Variants in LRRC75A observed in about 807,000 individuals in gnomAD.
LRRC75A encodes leucine rich repeat containing 75A.
A neutral mutation model predicts 26.0 loss-of-function variants in LRRC75A; 12 were observed. The ratio of observed to expected loss-of-function variants is 0.46; its 90% confidence interval spans 0.30 to 0.75. The LOEUF is 0.75. Among genes scored for constraint, LRRC75A ranks in the 30% least tolerant of loss-of-function variants. The pLI is 0.08. For synonymous variants in LRRC75A, 223 were observed against 219.3 expected, an observed-to-expected ratio of 1.02 and a Z score of -0.15; for missense variants, 410 against 486.6, an observed-to-expected ratio of 0.84 and a Z score of 1.48.
In LRRC75A at chr17:16,491,905, A is replaced by C; in HGVS notation, c.86T>G (p.Phe29Cys). ...APGPRRERPD[F>C]WASLLLRAGD... is the part of the protein sequence containing the mutation. ...GGCGCGCAGCAGCAGCGACGCCCAG[A>C]AGTCCGGCCGTTCGCGTCGGGGGCC... Residue 29 changes from phenylalanine to cysteine, a missense_variant, in exon 1 of 4, where the codon TTC becomes TGC. Transcript: ENST00000470794. The surrounding 1 kb of genome is among the most constrained non-coding windows in gnomAD (Gnocchi z 5.9). 7.8e-7 allele frequency: 1 copy of C among 1,289,008 alleles called. No homozygotes were observed. Among genetic ancestry groups the C allele is most frequent in the Non-Finnish European group, 9.8e-7 (1 of 1,020,754 alleles). 79.8% of individuals were successfully genotyped at this position (1,289,008 alleles called of 1,614,324 possible). A position where few individuals can be genotyped will look rare whatever the true frequency, so the allele number is the denominator to read the frequency against.
At chr17:16,444,622 C>A (rs563318547) in intron 3 of LRRC75A, among the ~76,000 whole-genome samples, 141 of 152,110 alleles carry the variant, frequency 9.3e-4, no homozygotes, top group African/African-American at 3.3e-3. Context: ...CTATGGGGAG[C>A]CTGTAAGACA....
At chr17:16,453,398 C>T (rs2093652029) in intron 2 of LRRC75A, among the ~76,000 whole-genome samples, 2 of 152,096 alleles carry the variant, frequency 1.3e-5, no homozygotes, top group African/African-American at 4.8e-5. Context: ...ACTGCACTGC[C>T]ATTGCCACAA....
In LRRC75A at chr17:16,443,664, T is replaced by A; in HGVS notation, c.959A>T (p.Asp320Val). 6.3e-7 allele frequency: 1 copy of A among 1,577,144 alleles called. No individual in the cohort carries two copies. The highest frequency in any genetic ancestry group is 8.6e-7 in the Non-Finnish European group (1 of 1,161,300). Reference protein sequence around the residue: ...EVREGTVGQEDPGGGPVAPAE... With the variant: ...EVREGTVGQEVPGGGPVAPAE... ...AGGTGCCACAGGGCCCCCTCCAGGG[T>A]CCTCCTGGCCTACTGTCCCTTCCCG... The change falls in exon 4 of 4, where the codon GAC (aspartate) becomes GTC (valine). Residue 320 changes from aspartate to valine, a missense_variant. By Grantham distance (152) the Asp-to-Val change is radical. Transcript: ENST00000470794.
chr17:16,443,948 T>C lies in LRRC75A; in HGVS notation c.675A>G (p.Ala225=), dbSNP rs774017407. Residue 225 remains alanine (A), a synonymous_variant, in exon 4 of 4, where the codon GCA becomes GCG. Transcript: ENST00000470794. ...TDDMVLQLLP[A]LSTLPRLTTL... is the part of the protein sequence containing the mutation. ...TGGTGAGGCGGGGCAGGGTGCTGAG[T>C]GCTGGCAGCAGCTGCAGGACCATGT... The C allele has an allele frequency of 5.6e-6, 9 of 1,613,030 alleles. No individual in the cohort carries two copies. Among genetic ancestry groups the C allele is most frequent in the Middle Eastern group, 1.6e-4 (1 of 6,080 alleles).
At chr17:16,473,035 T>C (rs1292214018) in intron 1 of LRRC75A, among the ~76,000 whole-genome samples, 3 of 152,082 alleles carry the variant, frequency 2.0e-5, no homozygotes, top group Admixed American at 6.6e-5. Flanking sequence ...AATAATGAAA[T>C]TGGTATGTTA....
At chr17:16,454,927 CTTTTCT>C (rs1181973013) in intron 2 of LRRC75A, among the ~76,000 whole-genome samples, 32 of 149,840 alleles carry the variant, frequency 2.1e-4, no homozygotes, top group Non-Finnish European at 1.9e-4. Flanking sequence ...CTTTTCTTTT[CTTTTCT>C]TTTTTTTTTT....
intron 2 of LRRC75A, among the ~76,000 whole-genome samples, chr17:16,456,235 A>G (rs1428454523): frequency 9.0e-6 from 1 of 111,462 alleles, no homozygotes; most frequent in African/African-American, 3.7e-5. Context: ...GAAGAGGAGA[A>G]AGGAGGAGAA....
chr17:16,443,570 A>G lies in LRRC75A; in HGVS notation c.*18T>C. 1 of 1,495,924 alleles carries G rather than the reference A, an allele frequency of 6.7e-7. No homozygotes were observed. The highest frequency in any genetic ancestry group is 9.0e-7 in the Non-Finnish European group (1 of 1,114,176). 92.7% of individuals were successfully genotyped at this position (1,495,924 alleles called of 1,614,324 possible). On this transcript the variant is annotated 3_prime_UTR_variant, in exon 4 of 4. Transcript: ENST00000470794. ...TCTACCCAACAAGGACTCCCTGGTG[A>G]GGCCCTTCACTTCCATGTCACGTCT...
chr17:16,476,932 G>A (rs554382419), intron 1 of LRRC75A, among the ~76,000 whole-genome samples: 41 of 151,784 alleles, frequency 2.7e-4, no homozygotes, highest in Middle Eastern at 3.4e-3. Flanking sequence ...TAGAGACGGG[G>A]TTTCACCGTG....
chr17:16,478,687 G>C (rs670005), intron 1 of LRRC75A: 150,932 of 152,350 alleles, frequency 0.99, 74,770 homozygotes, highest in Middle Eastern at 1. Flanking sequence ...GTAACTTACT[G>C]TCTTTCGTGT....
At chr17:16,468,370 C>G (rs2093785254) in intron 1 of LRRC75A, among the ~76,000 whole-genome samples, 1 of 152,246 alleles carries the variant, frequency 6.6e-6, no homozygotes, top group Non-Finnish European at 1.5e-5. Flanking sequence ...AAATATTATT[C>G]AGCCTTAAAA....
intron 1 of LRRC75A, among the ~76,000 whole-genome samples, chr17:16,487,251 C>G (rs552597628): frequency 1.3e-5 from 2 of 152,288 alleles, no homozygotes; most frequent in African/African-American, 4.8e-5. Context: ...CAGCGTAGGG[C>G]CCCCCTGCTC....
chr17:16,475,958 C>T (rs911128763), intron 1 of LRRC75A, among the ~76,000 whole-genome samples: 1 of 151,726 alleles, frequency 6.6e-6, no homozygotes, highest in Non-Finnish European at 1.5e-5. Context: ...TTTGGGAGAC[C>T]GAGGTGGGTG....
Position 16,491,688 on chromosome 17 carries a change from C to A in LRRC75A, c.246+57G>T, listed in dbSNP as rs924792739. On this transcript the variant is annotated intron_variant, in intron 1 of 3. Transcript: ENST00000470794. This position sits in a 1 kb window ranked among gnomAD's most constrained non-coding sequence, Gnocchi z 5.9. ...CTCGGTTAGGGATGGGGCGCCCCCC[C>A]CGGCCCAGCACGCCCCCTGGCCCGG... The A allele has an allele frequency of 3.3e-6, 4 of 1,216,194 alleles. No individual in the cohort carries two copies. The highest frequency in any genetic ancestry group is 4.2e-6 in the Non-Finnish European group (4 of 962,556). 75.3% of individuals were successfully genotyped at this position (1,216,194 alleles called of 1,614,324 possible).
chr17:16,445,454 C>T (rs1423981774), intron 3 of LRRC75A, among the ~76,000 whole-genome samples: 1 of 152,114 alleles, frequency 6.6e-6, no homozygotes, highest in African/African-American at 2.4e-5. Flanking sequence ...TGTGAGCCAC[C>T]GTGCCCGGCC....
intron 1 of LRRC75A, among the ~76,000 whole-genome samples, chr17:16,484,214 T>C (rs73288928): frequency 0.029 from 4,476 of 152,232 alleles, 222 homozygotes; most frequent in African/African-American, 0.1. Context: ...TGTGCGCATA[T>C]AATCCCAGCT....
chr17:16,490,386 A>G (rs1227374526), intron 1 of LRRC75A, among the ~76,000 whole-genome samples: 1 of 152,220 alleles, frequency 6.6e-6, no homozygotes, highest in African/African-American at 2.4e-5. Context: ...ACACACTGCT[A>G]AAGTTCAGTG....
rs759212420 is a variant in LRRC75A at position 16,462,225 on chromosome 17, G to A, written c.375+33C>T. ...AGAAAGGCACCCACCGCACACCCCG[G>A]GACCTGGCTGGCTCGGACCACAGCC... On this transcript the variant is annotated intron_variant, in intron 2 of 3. Coordinates refer to ENST00000470794, the MANE Select transcript of LRRC75A (RefSeq NM_001113567.3). This position sits in a 1 kb window ranked among gnomAD's most constrained non-coding sequence, Gnocchi z 4.6. 1 of 1,613,256 alleles carries A rather than the reference G, an allele frequency of 6.2e-7. No individual in the cohort carries two copies. Among genetic ancestry groups the A allele is most frequent in the Non-Finnish European group, 8.5e-7 (1 of 1,179,616 alleles).
In LRRC75A at chr17:16,447,477, G is replaced by A. The variant is rs150133759; in HGVS notation, c.491+368C>T. On this transcript the variant is annotated intron_variant, in intron 3 of 3. Transcript: ENST00000470794. ...GCACCACCACGCCTGGCTAATTTTT[G>A]TATTTTTACAGGGTTTCGCCACATT... Among the ~76,000 whole-genome samples, 982 of 152,202 alleles carry A rather than the reference G, an allele frequency of 6.5e-3. 6 individuals carry two copies. The highest frequency in any genetic ancestry group is 0.022 in the African/African-American group (933 of 41,510).
Sources: allele counts gnomAD v4.1 joint callset (sites outside exome capture counted in the v4.1 genomes callset), GRCh38; gene constraint gnomAD v4.1.1; non-coding constraint Gnocchi (gnomAD v3.1); transcripts MANE v1.5; gene names NCBI Gene and HGNC (gene_info 2026-07-23, HGNC 2026-07-21).